ACTN1: variants seen among roughly 807,000 people sequenced by gnomAD.
ACTN1 encodes alpha-actinin-1.
A neutral mutation model predicts 119.6 loss-of-function variants in ACTN1; 30 were observed. That is an observed-to-expected ratio of 0.25 (90% CI 0.19 to 0.34). The LOEUF (loss-of-function observed/expected upper bound fraction) is 0.34, where lower values mean the gene tolerates loss of function less well. ACTN1 is among the 10% of genes least tolerant of loss of function. The pLI is 1.00. For synonymous variants in ACTN1, 429 were observed against 472.6 expected (o/e 0.91, Z 1.20); for missense variants, 764 against 1,223.4 (o/e 0.62, Z 5.60).
At chr14:68,939,719 C>T (rs1191693727) in intron 1 of ACTN1, among the ~76,000 whole-genome samples, 1 of 152,130 alleles carries the variant, frequency 6.6e-6, no homozygotes, top group Non-Finnish European at 1.5e-5. Flanking sequence ...AAAATAGCTG[C>T]CCATTTATGT....
chr14:68,955,404 C>A (rs2036322379), intron 1 of ACTN1, among the ~76,000 whole-genome samples: 1 of 152,210 alleles, frequency 6.6e-6, no homozygotes. Context: ...CTAGAGCCAA[C>A]CCAAACCCCT....
At chr14:68,935,044 T>C (rs1594840865) in intron 1 of ACTN1, among the ~76,000 whole-genome samples, 1 of 152,312 alleles carries the variant, frequency 6.6e-6, no homozygotes, top group Admixed American at 6.5e-5. Context: ...TTTTTTAAGA[T>C]GGAGTTTTGC....
chr14:68,936,944 C>G, intron 1 of ACTN1: 1 of 497,740 alleles, frequency 2.0e-6, no homozygotes, highest in South Asian at 1.5e-5. Flanking sequence ...CTGTCCTCTA[C>G]AGAGGAAAAG....
rs1456558462 is a variant in ACTN1, at chr14:68,880,048, C to T, written c.2194G>A (p.Glu732Lys). The change falls in exon 18 of 22, where the codon GAG becomes AAG. Residue 732 changes from glutamate to lysine, a missense_variant. Glu to Lys is a moderately conservative substitution (Grantham distance 56). Around this residue, in one of 4 missense-constraint regions of ACTN1, gnomAD observed 544 missense variants for 912.0 expected, o/e 0.60. Coordinates refer to ENST00000394419, the MANE Select transcript of ACTN1 (RefSeq NM_001130004.2). This position sits in a 1 kb window ranked among gnomAD's most constrained non-coding sequence, Gnocchi z 4.6. ...GCATCCCGGGTCAGGATCTGGTTCT[C>T]TACCTCATTGATGGTCCTGGCGATG... ...TTIARTINEVENQILTRDAKG... is the reference protein window; with the variant it reads ...TTIARTINEVKNQILTRDAKG... 6.2e-7 allele frequency: 1 copy of T among 1,614,098 alleles called. No homozygotes were observed. Among genetic ancestry groups the T allele is most frequent in the Non-Finnish European group, 8.5e-7 (1 of 1,180,026 alleles).
At chr14:68,939,371 C>T (rs185597758) in intron 1 of ACTN1, among the ~76,000 whole-genome samples, 40 of 152,336 alleles carry the variant, frequency 2.6e-4, no homozygotes, top group Non-Finnish European at 4.9e-4. Flanking sequence ...GTACTTGCGA[C>T]TGGGCCTCCC....
intron 11 of ACTN1, among the ~76,000 whole-genome samples, chr14:68,888,726 G>A (rs912508598): frequency 4.6e-5 from 7 of 152,074 alleles, no homozygotes; most frequent in Admixed American, 2.6e-4. Context: ...TGTCAGGGGC[G>A]GCACTGGATT....
At chr14:68,940,080 C>T (rs2035713441) in intron 1 of ACTN1, among the ~76,000 whole-genome samples, 2 of 152,236 alleles carry the variant, frequency 1.3e-5, no homozygotes, top group Admixed American at 1.3e-4. Context: ...GAACAGCCTC[C>T]TCCCCGGTCC....
Position 68,890,183 on chromosome 14 carries a change from T to C in ACTN1, c.1190A>G (p.Glu397Gly), listed in dbSNP as rs375231183. The C allele has an allele frequency of 6.2e-7, 1 of 1,614,196 alleles. No individual in the cohort carries two copies. Among genetic ancestry groups the C allele is most frequent in the Non-Finnish European group, 8.5e-7 (1 of 1,180,036 alleles). The change falls in exon 11 of 22, where the codon GAG becomes GGG. Residue 397 changes from glutamate (E) to glycine (G), a missense_variant. Glu to Gly is a moderately conservative substitution (Grantham distance 98). Around this residue, in one of 4 missense-constraint regions of ACTN1, gnomAD observed 544 missense variants for 912.0 expected, o/e 0.60. Coordinates refer to ENST00000394419, the MANE Select transcript of ACTN1 (RefSeq NM_001130004.2). ...RRLERLDHLAEKFRQKASIHE... is the reference protein window; with the variant it reads ...RRLERLDHLAGKFRQKASIHE... ...GATGGAGGCCTTCTGCCGGAACTTC[T>C]CTGCCAGGTGGTCCAGTCGCTCCAG...
At chr14:68,897,569 G>T (rs748860056) in intron 8 of ACTN1, among the ~76,000 whole-genome samples, 1 of 152,204 alleles carries the variant, frequency 6.6e-6, no homozygotes, top group Non-Finnish European at 1.5e-5. Flanking sequence ...GCCAGATGAT[G>T]TGCTGTGGCT....
intron 2 of ACTN1, among the ~76,000 whole-genome samples, chr14:68,921,868 C>T (rs938181559): frequency 6.6e-5 from 10 of 152,096 alleles, no homozygotes; most frequent in African/African-American, 2.2e-4. Context: ...AACCCTCCAC[C>T]CCCACCTCCA....
chr14:68,944,572 T>C (rs563204855), intron 1 of ACTN1, among the ~76,000 whole-genome samples: 11 of 152,180 alleles, frequency 7.2e-5, no homozygotes, highest in Non-Finnish European at 1.2e-4. Context: ...ATTTTATCAA[T>C]GCGTGTATTT....
chr14:68,882,328 G>T lies in ACTN1; in HGVS notation c.1953+130C>A. The T allele has an allele frequency of 7.8e-7, 1 of 1,282,850 alleles. No homozygotes were observed. The highest frequency in any genetic ancestry group is 1.5e-5 in the South Asian group (1 of 68,860). The allele number at this position is 1,282,850 out of a possible 1,614,324, so 79.5% of individuals were successfully genotyped here. On this transcript the variant is annotated intron_variant, in intron 16 of 21. Transcript: ENST00000394419. The surrounding 1 kb of genome is among the most constrained non-coding windows in gnomAD (Gnocchi z 4.5). ...CCCCATAGCCTTCTACAGAACAGCA[G>T]ACCCACGGTGGGCTCCGGGCCTCAG...
At chr14:68,895,245 T>A (rs531256696) in intron 8 of ACTN1, among the ~76,000 whole-genome samples, 5 of 152,016 alleles carry the variant, frequency 3.3e-5, no homozygotes, top group Non-Finnish European at 7.4e-5. Flanking sequence ...GGGAGTCACA[T>A]CCTTAGGCCC....
chr14:68,883,230 G>T, intron 14 of ACTN1, 175 bp from the exon 15 acceptor site: 1 of 661,590 alleles, frequency 1.5e-6, no homozygotes, highest in Non-Finnish European at 2.6e-6. Flanking sequence ...TGAAGCCACA[G>T]TCATCAAAAG....
intron 8 of ACTN1, among the ~76,000 whole-genome samples, chr14:68,898,913 ACACACCCCT>A (rs1214221911): frequency 1.3e-5 from 2 of 150,960 alleles, no homozygotes; most frequent in Non-Finnish European, 3.0e-5. Context: ...CACACACCCC[ACACACCCCT>A]CACACATGCC....
In ACTN1 at chr14:68,878,964, C is replaced by G; in HGVS notation, c.2361+25G>C. 1 of 1,612,918 alleles carries G rather than the reference C, an allele frequency of 6.2e-7. No individual in the cohort carries two copies. On this transcript the variant is annotated intron_variant, in intron 19 of 21. Coordinates refer to ENST00000394419, the MANE Select transcript of ACTN1 (RefSeq NM_001130004.2). This position sits in a 1 kb window ranked among gnomAD's most constrained non-coding sequence, Gnocchi z 4.4. ...TCTTGCCCCAGACGCCACCCCTGAG[C>G]GTGCTCCATGCAGGAGGCGAGTACC...
chr14:68,908,314 G>T (rs1425809817), intron 6 of ACTN1, among the ~76,000 whole-genome samples: 1 of 152,130 alleles, frequency 6.6e-6, no homozygotes, highest in African/African-American at 2.4e-5. Context: ...ACCATGAGTT[G>T]CACAGCAGCT....
At chr14:68,923,030 C>T (rs1354878824) in intron 2 of ACTN1, among the ~76,000 whole-genome samples, 2 of 152,210 alleles carry the variant, frequency 1.3e-5, no homozygotes, top group Admixed American at 1.3e-4. Flanking sequence ...CCAACCCTGG[C>T]AAAGAGACAC....
At chr14:68,918,575 A>G (rs2034460355) in intron 3 of ACTN1, among the ~76,000 whole-genome samples, 1 of 139,568 alleles carries the variant, frequency 7.2e-6, no homozygotes, top group Non-Finnish European at 1.5e-5. Flanking sequence ...ACAGAGTGAG[A>G]CTCCGTCTCA....
Sources: gnomAD v4.1 joint callset for allele counts (sites outside exome capture counted in the v4.1 genomes callset) on GRCh38, gnomAD v4.1.1 for gene constraint, gnomAD v4.1.1 regional missense constraint, Gnocchi (gnomAD v3.1) non-coding constraint, MANE v1.5 for transcripts, NCBI Gene and HGNC (gene_info 2026-07-23, HGNC 2026-07-21) for gene names.